Variants in ZNF775 observed in about 807,000 individuals in gnomAD.
ZNF775 encodes zinc finger protein 775.
In ZNF775, 1 loss-of-function variant was observed where a neutral mutation model predicts 2.4. The ratio of observed to expected loss-of-function variants is 0.41; its 90% CI spans 0.15 to 1.94. The LOEUF (loss-of-function observed/expected upper bound fraction) is 1.94, where lower values mean the gene tolerates loss of function less well. ZNF775 is among the 30% of genes most tolerant of loss of function. The pLI, the probability that ZNF775 is intolerant of heterozygous loss-of-function variation, is 0.30. For synonymous variants in ZNF775, 381 were observed against 373.3 expected (o/e 1.02, Z -0.24); for missense variants, 823 against 826.6 (o/e 1.00, Z 0.05).
chr7:150,389,273 C>A (rs1415625465), intron 2 of ZNF775, among the ~76,000 whole-genome samples: 1 of 152,150 alleles, frequency 6.6e-6, no homozygotes, highest in African/African-American at 2.4e-5. Context: ...AGGGGAATTG[C>A]CCCATAGACC....
chr7:150,385,397 G>A (rs969378260), intron 1 of ZNF775, among the ~76,000 whole-genome samples: 1 of 152,088 alleles, frequency 6.6e-6, no homozygotes, highest in Non-Finnish European at 1.5e-5. Flanking sequence ...ACAATCCCCC[G>A]AGCAACTGCA....
rs1177025644 is a variant in ZNF775 at position 150,396,674 on chromosome 7, G to C, written c.193G>C (p.Gly65Arg). Residue 65 changes from glycine to arginine, a missense_variant, in exon 3 of 3, where the codon GGA becomes CGA. Coordinates refer to ENST00000329630, the MANE Select transcript of ZNF775 (RefSeq NM_173680.4). ...CATGGGGCGGCCTCGAGCCCTGGGGGGACAGGAGGAGTCTGGGAGTCCAAG... is the reference window on the plus strand; with the variant it reads ...CATGGGGCGGCCTCGAGCCCTGGGGCGACAGGAGGAGTCTGGGAGTCCAAG... The part of the protein sequence containing the change: ...QTMGRPRALG[G>R]QEESGSPRWA... 5 of 1,609,310 alleles carry C rather than the reference G, an allele frequency of 3.1e-6. No individual in the cohort carries two copies. The South Asian group carries it at 5.5e-5, about 18-fold the overall frequency.
rs765984131 is a variant in ZNF775, at chr7:150,396,899, T to G, written c.418T>G (p.Cys140Gly). Reference sequence around the variant, plus strand: ...GGAGAAGCCGTACCTCTGCGGCAAGTGCGGCAAGAGCTTCAGCCAGAAGCC... The same window carrying G: ...GGAGAAGCCGTACCTCTGCGGCAAGGGCGGCAAGAGCTTCAGCCAGAAGCC... ...TGEKPYLCGK[C>G]GKSFSQKPNL... The change falls in exon 3 of 3, where the codon TGC (cysteine) becomes GGC (glycine). Residue 140 changes from cysteine (C) to glycine (G), a missense_variant. By Grantham distance (159) the Cys-to-Gly change is radical. Transcript: ENST00000329630. The G allele has an allele frequency of 3.7e-6, 6 of 1,602,388 alleles. No individual in the cohort carries two copies. In the African/African-American group the frequency reaches 8.0e-5, roughly 21 times the overall value.
rs753113075 is a variant in ZNF775, at chr7:150,397,551, G to T, written c.1070G>T (p.Arg357Leu). 2.6e-6 allele frequency: 4 copies of T among 1,538,352 alleles called. No homozygotes were observed. The African/African-American group carries it at 4.2e-5, about 16-fold the overall frequency. ...AAGCAGCACCTGCTCAAGCACCTGC[G>T]CACGCACCTGCCCGGCGCCCAGGCT... ...RQKQHLLKHL[R>L]THLPGAQAAP... Residue 357 changes from arginine (R) to leucine (L), a missense_variant, in exon 3 of 3, where the codon CGC (arginine) becomes CTC (leucine). Physicochemically the swap from Arg to Leu is moderately radical, Grantham distance 102 (BLOSUM62 -2). Transcript: ENST00000329630.
At chr7:150,388,619 C>T (rs1800499768) in intron 2 of ZNF775, 118 bp downstream of exon 2, 1 of 1,127,186 alleles carries the variant, frequency 8.9e-7, no homozygotes, top group African/African-American at 1.6e-5. Context: ...TAGTACATCC[C>T]ACTGATGCAG....
chr7:150,391,377 G>A (rs1800555983), intron 2 of ZNF775, among the ~76,000 whole-genome samples: 1 of 152,032 alleles, frequency 6.6e-6, no homozygotes, highest in African/African-American at 2.4e-5. Flanking sequence ...GTGTGGTGGT[G>A]GGCGCATGCA....
chr7:150,393,678 A>AT (rs1385595009), intron 2 of ZNF775, among the ~76,000 whole-genome samples: 1 of 151,896 alleles, frequency 6.6e-6, no homozygotes, highest in African/African-American at 2.4e-5. Flanking sequence ...TTTTATTTTT[A>AT]TTTTTTTGAG....
chr7:150,388,389 C>T, intron 1 of ZNF775, 33 bp from the exon 2 acceptor site: 1 of 1,511,328 alleles, frequency 6.6e-7, no homozygotes, highest in Admixed American at 2.0e-5. Flanking sequence ...TCCCACAGGC[C>T]CATTCTCTTT....
At chr7:150,388,092 C>G (rs1199248009) in intron 1 of ZNF775, among the ~76,000 whole-genome samples, 1 of 152,160 alleles carries the variant, frequency 6.6e-6, no homozygotes, top group African/African-American at 2.4e-5. Context: ...TGCCGCCCTG[C>G]GAATGTTGAG....
At chr7:150,386,713 C>G (rs1200507096) in intron 1 of ZNF775, among the ~76,000 whole-genome samples, 1 of 152,152 alleles carries the variant, frequency 6.6e-6, no homozygotes, top group Non-Finnish European at 1.5e-5. Context: ...CTAGGGGGTA[C>G]AGGTGCACGG....
intron 2 of ZNF775, among the ~76,000 whole-genome samples, chr7:150,394,740 C>T (rs1216917543): frequency 7.2e-6 from 1 of 138,328 alleles, no homozygotes; most frequent in African/African-American, 2.7e-5. Flanking sequence ...TGAATTTTAT[C>T]ATATGACTTT....
Position 150,397,699 on chromosome 7 carries a change from C to T in ZNF775, c.1218C>T (p.Ala406=). The change falls in exon 3 of 3, where the codon GCC becomes GCT. Residue 406 remains alanine, a synonymous_variant. Coordinates refer to ENST00000329630, the MANE Select transcript of ZNF775 (RefSeq NM_173680.4). ...PAGEPGDQPQ[A]EAIPGLAARP... ...GGGAACCGGGCGACCAGCCGCAGGC[C>T]GAGGCCATCCCGGGCTTGGCCGCGA... 2 of 1,387,104 alleles carry T rather than the reference C, an allele frequency of 1.4e-6. No individual in the cohort carries two copies. The highest frequency in any genetic ancestry group is 1.9e-6 in the Non-Finnish European group (2 of 1,079,714). 85.9% of individuals were successfully genotyped at this position (1,387,104 alleles called of 1,614,324 possible). A position where few individuals can be genotyped will look rare whatever the true frequency, so the allele number is the denominator to read the frequency against.
rs960329563 is a variant in ZNF775, at chr7:150,396,503, C to T, written c.32-10C>T. ...CTCTCTCCCTCCTCTCTCCCGCTTG[C>T]CTCTGGCAGGAGCTGGGCTGGTGAT... On this transcript the variant is annotated splice_polypyrimidine_tract_variant and intron_variant, in intron 2 of 2. Coordinates refer to ENST00000329630, the MANE Select transcript of ZNF775 (RefSeq NM_173680.4). 2 of 1,580,392 alleles carry T rather than the reference C, an allele frequency of 1.3e-6. No homozygotes were observed. Among genetic ancestry groups the T allele is most frequent in the Non-Finnish European group, 1.7e-6 (2 of 1,166,696 alleles).
chr7:150,395,321 A>G (rs1388185607), intron 2 of ZNF775, among the ~76,000 whole-genome samples: 1 of 152,146 alleles, frequency 6.6e-6, no homozygotes, highest in African/African-American at 2.4e-5. Context: ...CCGTTCTTCT[A>G]CTTCCTTTGG....
chr7:150,389,857 ATTTGTGTGTGTG>A (rs1800526333), intron 2 of ZNF775, among the ~76,000 whole-genome samples: 1 of 133,042 alleles, frequency 7.5e-6, no homozygotes, highest in African/African-American at 2.9e-5. Context: ...TTTAATTTTT[ATTTGTGTGTGTG>A]TGTGTGTGTG....
chr7:150,386,226 G>A (rs1800449445), intron 1 of ZNF775, among the ~76,000 whole-genome samples: 3 of 152,058 alleles, frequency 2.0e-5, no homozygotes, highest in Admixed American at 6.5e-5. Context: ...ATGAACCACC[G>A]TGCCCAGCCT....
rs1303723254 is a variant in ZNF775 at position 150,396,638 on chromosome 7, C to T, written c.157C>T (p.Pro53Ser). The change falls in exon 3 of 3, where the codon CCA becomes TCA. Residue 53 changes from proline to serine, a missense_variant. Coordinates refer to ENST00000329630, the MANE Select transcript of ZNF775 (RefSeq NM_173680.4). ...ATTTCAGCAGCACCGGGGCCTCCCG[C>T]CACGCCAGACCATGGGGCGGCCTCG... ...NIFQQHRGLP[P>S]RQTMGRPRAL... 4.3e-6 allele frequency: 7 copies of T among 1,611,618 alleles called. No homozygotes were observed. Among genetic ancestry groups the T allele is most frequent in the Non-Finnish European group, 5.9e-6 (7 of 1,179,666 alleles).
chr7:150,383,838 CGCT>C (rs1563256310), intron 1 of ZNF775: 4 of 152,682 alleles, frequency 2.6e-5, no homozygotes, highest in Non-Finnish European at 5.8e-5. Flanking sequence ...CGACCTGGGG[CGCT>C]GAGGCTGTGA....
rs1257297741 is a variant in ZNF775 at position 150,397,639 on chromosome 7, C to T, written c.1158C>T (p.Arg386=). ...RSRAALRAHQ[R]AHAVAEPAVP... ...GCGCCGCGCTGCGCGCCCACCAGCG[C>T]GCCCACGCTGTCGCTGAGCCCGCCG... Residue 386 remains arginine, a synonymous_variant, in exon 3 of 3, where the codon CGC becomes CGT. Coordinates refer to ENST00000329630, the MANE Select transcript of ZNF775 (RefSeq NM_173680.4). 4 of 1,331,296 alleles carry T rather than the reference C, an allele frequency of 3.0e-6. No individual in the cohort carries two copies. The highest frequency in any genetic ancestry group is 2.4e-4 in the Middle Eastern group (1 of 4,120). 82.5% of individuals were successfully genotyped at this position (1,331,296 alleles called of 1,614,324 possible). A position where few individuals can be genotyped will look rare whatever the true frequency, so the allele number is the denominator to read the frequency against.
Sources: allele counts gnomAD v4.1 joint callset (sites outside exome capture counted in the v4.1 genomes callset), GRCh38; gene constraint gnomAD v4.1.1; transcripts MANE v1.5; gene names NCBI Gene and HGNC (gene_info 2026-07-23, HGNC 2026-07-21).